JMJD1C: variants seen among roughly 807,000 people sequenced by gnomAD.
JMJD1C encodes jumonji domain containing 1C.
JMJD1C carries 31 observed loss-of-function variants against 245.3 expected under a neutral mutation model. The ratio of observed to expected loss-of-function variants is 0.13; its 90% CI spans 0.09 to 0.17. JMJD1C has a LOEUF of 0.17. Ranked by LOEUF, JMJD1C falls within the 10% of genes least tolerant of loss-of-function variation. The pLI is 1.00. For synonymous variants in JMJD1C, 1,057 were observed against 1,017.4 expected (o/e 1.04, Z -0.74); for missense variants, 2,691 against 3,000.2 (o/e 0.90, Z 2.41).
intron 2 of JMJD1C, among the ~76,000 whole-genome samples, chr10:63,266,165 T>C (rs1855548928): frequency 2.0e-5 from 3 of 152,128 alleles, no homozygotes; most frequent in Non-Finnish European, 2.9e-5. Context: ...AACTCTCTTA[T>C]ATTCTCACTT....
rs80038802 is a variant in JMJD1C at position 63,315,863 on chromosome 10, A to G, written c.334-51099T>C. On this transcript the variant is annotated intron_variant, in intron 2 of 25. Transcript: ENST00000399262. ...CAAAAAAAAAAAAAAAACACCACGA[A>G]AAAAAAAAAGAAGAAATTCTAATGG... Among the ~76,000 whole-genome samples the G allele has an allele frequency of 3.0e-3, 443 of 147,810 alleles. 1 individual carries two copies. Among genetic ancestry groups the G allele is most frequent in the African/African-American group, 0.01 (407 of 39,872 alleles).
At chr10:63,396,332 T>C (rs1057146617) in intron 1 of JMJD1C, among the ~76,000 whole-genome samples, 1 of 152,160 alleles carries the variant, frequency 6.6e-6, no homozygotes, top group Non-Finnish European at 1.5e-5. Context: ...TATACCCCAT[T>C]ATCACAGCAC....
At chr10:63,322,088 C>T (rs555195771) in intron 2 of JMJD1C, among the ~76,000 whole-genome samples, 1 of 152,244 alleles carries the variant, frequency 6.6e-6, no homozygotes, top group Admixed American at 6.5e-5. Context: ...GAGGATTTTC[C>T]CCCAAAGCTT....
chr10:63,257,556 T>G (rs926046600), intron 3 of JMJD1C, among the ~76,000 whole-genome samples: 1 of 152,232 alleles, frequency 6.6e-6, no homozygotes, highest in African/African-American at 2.4e-5. Context: ...AGGGGACTTC[T>G]AGACCTTAGT....
At chr10:63,520,150 G>C (rs991225139) in intron 1 of JMJD1C, among the ~76,000 whole-genome samples, 1 of 152,126 alleles carries the variant, frequency 6.6e-6, no homozygotes, top group African/African-American at 2.4e-5. Context: ...ACTGAGAACT[G>C]AAAATAATTT....
At position 63,209,044 on chromosome 10, in the gene JMJD1C, T is replaced by C; in HGVS notation, c.2867+19A>G. ...TTATGAACAAGGTATTTATAATTTTTAAGCACTGGTGAACTTACTCCTTAT... is the reference window on the plus strand; with the variant it reads ...TTATGAACAAGGTATTTATAATTTTCAAGCACTGGTGAACTTACTCCTTAT... On this transcript the variant is annotated intron_variant, in intron 9 of 25. Coordinates refer to ENST00000399262, the MANE Select transcript of JMJD1C (RefSeq NM_032776.3). The C allele has an allele frequency of 6.4e-7, 1 of 1,569,816 alleles. No homozygotes were observed. Among genetic ancestry groups the C allele is most frequent in the Non-Finnish European group, 8.6e-7 (1 of 1,158,056 alleles).
intron 2 of JMJD1C, among the ~76,000 whole-genome samples, chr10:63,375,612 A>T (rs1946677968): frequency 6.6e-6 from 1 of 151,648 alleles, no homozygotes; most frequent in African/African-American, 2.4e-5. Context: ...GTGCAATGAC[A>T]CAATCATGGC....
At chr10:63,215,174 G>T in intron 7 of JMJD1C, 23 bp from the exon 8 acceptor site, 1 of 1,511,052 alleles carries the variant, frequency 6.6e-7, no homozygotes, top group Non-Finnish European at 8.9e-7. Flanking sequence ...AGAAAGAAGA[G>T]TCTTATTTTT....
intron 1 of JMJD1C, among the ~76,000 whole-genome samples, chr10:63,509,839 TA>T (rs1475298723): frequency 6.6e-6 from 1 of 152,196 alleles, no homozygotes; most frequent in Non-Finnish European, 1.5e-5. Context: ...CTAATCTTAT[TA>T]AAGAACCAGC....
chr10:63,389,559 A>C (rs1370838189), intron 1 of JMJD1C, among the ~76,000 whole-genome samples: 1 of 151,756 alleles, frequency 6.6e-6, no homozygotes, highest in Non-Finnish European at 1.5e-5. Context: ...CCTAACAAAC[A>C]TTTATAGAAC....
intron 1 of JMJD1C, chr10:63,521,574 TG>T: frequency 7.4e-7 from 1 of 1,352,246 alleles, no homozygotes; most frequent in Non-Finnish European, 9.7e-7. Context: ...TCCAGAGCCG[TG>T]GTGTAAGTGC....
At chr10:63,465,416 A>G (rs1311405317) in intron 1 of JMJD1C, 79 bp downstream of exon 1, 4 of 1,382,586 alleles carry the variant, frequency 2.9e-6, no homozygotes, top group Non-Finnish European at 1.9e-6. Flanking sequence ...GCGAGGCGCC[A>G]GAGGGAAGCC....
At chr10:63,234,210 T>A (rs1850367621) in intron 3 of JMJD1C, among the ~76,000 whole-genome samples, 1 of 147,972 alleles carries the variant, frequency 6.8e-6, no homozygotes, top group South Asian at 2.1e-4. Context: ...CAGACTCTTG[T>A]TTAGAGTCTC....
chr10:63,196,754 C>A (rs1845505561), intron 13 of JMJD1C, among the ~76,000 whole-genome samples: 1 of 152,150 alleles, frequency 6.6e-6, no homozygotes, highest in Non-Finnish European at 1.5e-5. Context: ...GTAGTCACTT[C>A]CAAAATTGCC....
At chr10:63,449,736 G>T (rs748903748) in intron 1 of JMJD1C, among the ~76,000 whole-genome samples, 43 of 152,018 alleles carry the variant, frequency 2.8e-4, no homozygotes, top group Non-Finnish European at 4.9e-4. Context: ...TAGCTGGAGG[G>T]ATACTACATG....
intron 3 of JMJD1C, among the ~76,000 whole-genome samples, chr10:63,241,509 C>A (rs991822682): frequency 6.6e-6 from 1 of 152,120 alleles, no homozygotes; most frequent in East Asian, 1.9e-4. Context: ...GCTTCAAAGG[C>A]TTTCACTCCA....
rs1398063611 is a variant in JMJD1C at position 63,213,646 on chromosome 10, A to G, written c.2521T>C (p.Ser841Pro). The change falls in exon 8 of 26, where the codon TCA (serine) becomes CCA (proline). Residue 841 changes from serine to proline, a missense_variant. By Grantham distance (74) the Ser-to-Pro change is moderately conservative (BLOSUM62 -1). This residue lies in a region of JMJD1C where 1,562 missense variants were observed against 1,490.7 expected (regional missense o/e 1.05). Transcript: ENST00000399262. ...TGGGCTTGTCCAAGAAGATGAGGTG[A>G]CTGGTGCTGTAACAACTGTTGTTGT... ...QQQQQLLQHQSPHLLGQAHPS... is the reference protein window; with the variant it reads ...QQQQQLLQHQPPHLLGQAHPS... The G allele has an allele frequency of 6.2e-7, 1 of 1,614,214 alleles. No individual in the cohort carries two copies. Among genetic ancestry groups the G allele is most frequent in the South Asian group, 1.1e-5 (1 of 91,090 alleles).
At chr10:63,505,494 T>A (rs1954690603) in intron 1 of JMJD1C, among the ~76,000 whole-genome samples, 1 of 152,070 alleles carries the variant, frequency 6.6e-6, no homozygotes, top group South Asian at 2.1e-4. Flanking sequence ...TTCAGCTGAA[T>A]GGGATTGGAA....
intron 3 of JMJD1C, among the ~76,000 whole-genome samples, chr10:63,236,633 A>C (rs1475028863): frequency 6.6e-6 from 1 of 152,206 alleles, no homozygotes; most frequent in Non-Finnish European, 1.5e-5. Flanking sequence ...CTTAAACTGA[A>C]ACAAACTCAG....
Sources: allele counts gnomAD v4.1 joint callset (sites outside exome capture counted in the v4.1 genomes callset), GRCh38; gene constraint gnomAD v4.1.1; regional missense constraint gnomAD v4.1.1; transcripts MANE v1.5; gene names NCBI Gene and HGNC (gene_info 2026-07-23, HGNC 2026-07-21).